PSG8: variants seen among roughly 807,000 people sequenced by gnomAD.
The protein encoded by PSG8 is pregnancy-specific beta-1-glycoprotein 8.
A neutral mutation model predicts 42.5 loss-of-function variants in PSG8; 57 were observed. The observed-to-expected ratio is 1.34, with a 90% CI of 1.08 to 1.67. PSG8 has a LOEUF of 1.67. Ranked by LOEUF, PSG8 falls within the 40% of genes most tolerant of loss-of-function variation. The pLI, the probability that PSG8 is intolerant of heterozygous loss-of-function variation, is 0.00. For missense variants in PSG8, 783 were observed against 518.6 expected, an observed-to-expected ratio of 1.51 and a Z score of -4.95; for synonymous variants, 280 against 196.8, an observed-to-expected ratio of 1.42 and a Z score of -3.54.
At chr19:42,757,955 G>A (rs1329407895) in intron 3 of PSG8, 47 bp downstream of exon 3, 2 of 1,613,876 alleles carry the variant, frequency 1.2e-6, no homozygotes, top group African/African-American at 2.7e-5. Flanking sequence ...CTGGCCACGT[G>A]TATTTGGGAT....
At chr19:42,757,220 A>T (rs1241568472) in intron 3 of PSG8, among the ~76,000 whole-genome samples, 1 of 151,980 alleles carries the variant, frequency 6.6e-6, no homozygotes, top group African/African-American at 2.4e-5. Context: ...GAGCAGAAAC[A>T]TATTCCCTGT....
chr19:42,765,483 T>C (rs918823242), intron 1 of PSG8, 35 bp downstream of exon 1: 2 of 1,607,382 alleles, frequency 1.2e-6, no homozygotes, highest in African/African-American at 2.7e-5. Flanking sequence ...CTCTGCTTCC[T>C]CCTCCTGTCC....
downstream of PSG8, chr19:42,754,011 A>G (rs1261382366): frequency 2.5e-6 from 2 of 805,414 alleles, no homozygotes; most frequent in Non-Finnish European, 3.9e-6. Context: ...AATTCCGTCA[A>G]TGTAGAAAAC....
chr19:42,759,666 A>G (rs1156322984), intron 2 of PSG8, among the ~76,000 whole-genome samples: 2 of 152,130 alleles, frequency 1.3e-5, no homozygotes, highest in African/African-American at 4.8e-5. Context: ...GTAATACTGT[A>G]ATTTTCCCAT....
At chr19:42,754,883 G>A in intron 4 of PSG8, 105 bp downstream of exon 4, 2 of 1,562,518 alleles carry the variant, frequency 1.3e-6, no homozygotes, top group South Asian at 2.5e-5. Flanking sequence ...ATGTCCAGAA[G>A]TGAAGGTGTC....
downstream of PSG8, chr19:42,754,141 T>C (rs1247753068): frequency 7.1e-7 from 1 of 1,409,306 alleles, no homozygotes; most frequent in African/African-American, 1.4e-5. Flanking sequence ...GGGAATTTTA[T>C]GAAGATATCA....
chr19:42,754,530 A>T lies in PSG8; in HGVS notation c.1046T>A (p.Val349Asp), dbSNP rs1064490. ...GTCCGCAGAACAGGACAAGTAGAGG[A>T]CTTCTCCTGAACGGTAATAGGTGAA... ...PSFTYYRSGEVLYLSCSADSN... is the reference protein window; with the variant it reads ...PSFTYYRSGEDLYLSCSADSN... The change falls in exon 5 of 5, where the codon GTC (valine) becomes GAC (aspartate). Residue 349 changes from valine (V) to aspartate (D), a missense_variant. By Grantham distance (152) the Val-to-Asp change is radical. Coordinates refer to ENST00000306511, the MANE Select transcript of PSG8 (RefSeq NM_182707.3). 4.3e-6 allele frequency: 7 copies of T among 1,613,800 alleles called. No individual in the cohort carries two copies. The East Asian group carries it at 8.9e-5, about 21-fold the overall frequency.
At chr19:42,757,203 G>T (rs957901675) in intron 3 of PSG8, among the ~76,000 whole-genome samples, 6 of 151,936 alleles carry the variant, frequency 3.9e-5, no homozygotes, top group Non-Finnish European at 8.8e-5. Flanking sequence ...AAAAGCTGGT[G>T]GTTTTGGAGC....
chr19:42,763,905 G>C lies in PSG8; in HGVS notation c.430+11C>G. 6.2e-7 allele frequency: 1 copy of C among 1,613,622 alleles called. No individual in the cohort carries two copies. Among genetic ancestry groups the C allele is most frequent in the Non-Finnish European group, 8.5e-7 (1 of 1,179,718 alleles). ...TCCCCCAACACCCAGGGATCATGTG[G>C]AATCACTCACGATATAAGGTGAAGG... On this transcript the variant is annotated intron_variant, in intron 2 of 4. Transcript: ENST00000306511.
intron 2 of PSG8, among the ~76,000 whole-genome samples, chr19:42,759,548 G>C (rs7250007): frequency 0.17 from 25,651 of 152,066 alleles, 3,822 homozygotes; most frequent in African/African-American, 0.4. Flanking sequence ...AATTTAAAAT[G>C]CACAATGCGC....
In PSG8 at chr19:42,764,005, T is replaced by C. The variant is rs77134863; in HGVS notation, c.341A>G (p.Gln114Arg). 8.2e-3 allele frequency: 13,171 copies of C among 1,611,888 alleles called. 566 individuals are homozygous for C. The African/African-American group carries it at 0.12, about 15-fold the overall frequency. Residue 114 changes from glutamine to arginine, a missense_variant, in exon 2 of 5, where the codon CAG (glutamine) becomes CGG (arginine). Physicochemically the swap from Gln to Arg is conservative, Grantham distance 43. Coordinates refer to ENST00000306511, the MANE Select transcript of PSG8 (RefSeq NM_182707.3). Reference protein sequence around the residue: ...NASLLIQNVTQEDAGSYTLHI... With the variant: ...NASLLIQNVTREDAGSYTLHI... Reference sequence around the variant, plus strand: ...TAAGGTGTAGGATCCTGCGTCTTCCTGGGTGACATTCTGGATCAGCAGGGA... The same window carrying C: ...TAAGGTGTAGGATCCTGCGTCTTCCCGGGTGACATTCTGGATCAGCAGGGA...
chr19:42,760,814 C>A (rs1315866816), intron 2 of PSG8, among the ~76,000 whole-genome samples: 2 of 152,124 alleles, frequency 1.3e-5, no homozygotes, highest in Non-Finnish European at 2.9e-5. Flanking sequence ...TATCTCCTGA[C>A]CTTGTGCCCG....
chr19:42,762,618 A>AAAC lies in PSG8; in HGVS notation c.430+1297_430+1298insGTT, dbSNP rs917112929. On this transcript the variant is annotated intron_variant, in intron 2 of 4. Transcript: ENST00000306511. ...GGTGTAGGGTGTGAGTGGGGAAAGA[A>AAAC]AAGGTCCTCTCCTTGATCCTCTCAT... is the stretch of plus-strand genomic sequence containing the variant. Among the ~76,000 whole-genome samples, 463 of 152,052 alleles carry AAAC rather than the reference A, an allele frequency of 3.0e-3. 2 individuals carry two copies. Among genetic ancestry groups the AAAC allele is most frequent in the African/African-American group, 0.01 (429 of 41,480 alleles).
At chr19:42,759,284 T>C (rs1970013197) in intron 2 of PSG8, among the ~76,000 whole-genome samples, 2 of 151,988 alleles carry the variant, frequency 1.3e-5, no homozygotes, top group South Asian at 4.2e-4. Context: ...GATTCCAGAG[T>C]GAATCAGAGA....
At chr19:42,754,612 A>C in intron 4 of PSG8, 25 bp from the exon 5 acceptor site, 1 of 1,600,618 alleles carries the variant, frequency 6.2e-7, no homozygotes, top group Non-Finnish European at 8.5e-7. Flanking sequence ...ATAAAGCCAC[A>C]GGTGATGTCA....
intron 2 of PSG8, among the ~76,000 whole-genome samples, chr19:42,759,098 C>A (rs1266674948): frequency 6.6e-6 from 1 of 151,982 alleles, no homozygotes; most frequent in Admixed American, 6.6e-5. Flanking sequence ...AAATGCAGAA[C>A]CGACTGGTGG....
intron 2 of PSG8, among the ~76,000 whole-genome samples, chr19:42,760,855 G>A (rs550396463): frequency 1.3e-5 from 2 of 152,276 alleles, no homozygotes; most frequent in South Asian, 4.1e-4. Flanking sequence ...GGTATTGTAG[G>A]TGTGAGCCAC....
At chr19:42,764,931 C>T (rs570998102) in intron 1 of PSG8, among the ~76,000 whole-genome samples, 8 of 152,060 alleles carry the variant, frequency 5.3e-5, no homozygotes, top group African/African-American at 1.9e-4. Flanking sequence ...GTGTTTCATG[C>T]CCTGTGTATA....
intron 2 of PSG8, among the ~76,000 whole-genome samples, chr19:42,763,452 C>T (rs372782086): frequency 6.6e-6 from 1 of 152,168 alleles, no homozygotes; most frequent in African/African-American, 2.4e-5. Flanking sequence ...AAGCCCTGCC[C>T]AAGAAGCCAC....
Sources: allele counts gnomAD v4.1 joint callset (sites outside exome capture counted in the v4.1 genomes callset), GRCh38; gene constraint gnomAD v4.1.1; transcripts MANE v1.5; gene names NCBI Gene and HGNC (gene_info 2026-07-23, HGNC 2026-07-21).